The following OBP2A variants were observed in gnomAD, a reference collection of about 807,000 sequenced individuals.
OBP2A encodes odorant-binding protein 2a.
OBP2A carries 15 observed loss-of-function variants against 21.9 expected under a neutral mutation model. That is an observed-to-expected ratio of 0.69 (90% confidence interval 0.46 to 1.06). The LOEUF (loss-of-function observed/expected upper bound fraction) is 1.06. Among genes scored for constraint, OBP2A ranks in the 50% least tolerant of loss-of-function variants. The pLI, the probability that OBP2A is intolerant of heterozygous loss-of-function variation, is 0.00. For synonymous variants in OBP2A, 86 were observed against 91.8 expected (o/e 0.94, Z 0.36); for missense variants, 192 against 220.1 (o/e 0.87, Z 0.81).
rs992921316 is a variant in OBP2A at position 135,546,760 on chromosome 9, G to C, written c.73-18G>C. 21 of 1,591,364 alleles carry C rather than the reference G, an allele frequency of 1.3e-5. No individual in the cohort carries two copies. The highest frequency in any genetic ancestry group is 1.8e-5 in the Non-Finnish European group (21 of 1,165,926). On this transcript the variant is annotated intron_variant, in intron 1 of 6. Transcript: ENST00000371776. ...TCTGGGCCACCCATGGTGGGCTCAC[G>C]GCCTTGGCCTGCTCCAGATCACAGG...
At chr9:135,549,591 C>A in intron 6 of OBP2A, 2 of 597,474 alleles carry the variant, frequency 3.3e-6, no homozygotes, top group Non-Finnish European at 6.0e-6. Flanking sequence ...CCCTCCGGCT[C>A]CCTCAGGTGT....
In OBP2A at chr9:135,546,670, T is replaced by C. The variant is rs4006718; in HGVS notation, c.73-108T>C. ...CAGGAACCCAGCCTGCCTTTAGGGGTGGCAGCCGGGCACCATGGGTGTCTG... is the reference window on the plus strand; with the variant it reads ...CAGGAACCCAGCCTGCCTTTAGGGGCGGCAGCCGGGCACCATGGGTGTCTG... On this transcript the variant is annotated intron_variant, in intron 1 of 6. Coordinates refer to ENST00000371776, the MANE Select transcript of OBP2A (RefSeq NM_014582.3). The C allele has an allele frequency of 6.2e-4, 941 of 1,515,392 alleles. 1 individual carries two copies. The highest frequency in any genetic ancestry group is 4.3e-3 in the Middle Eastern group (18 of 4,172). 93.9% of individuals were successfully genotyped at this position (1,515,392 alleles called of 1,614,324 possible).
intron 1 of OBP2A, 69 bp from the exon 2 acceptor site, chr9:135,546,709 G>A (rs1025803151): frequency 1.3e-6 from 2 of 1,538,172 alleles, no homozygotes; most frequent in African/African-American, 2.7e-5. Flanking sequence ...ATAGCTGCAG[G>A]CCTGAGTGCC....
intron 4 of OBP2A, among the ~76,000 whole-genome samples, chr9:135,548,398 G>T (rs1181117213): frequency 1.3e-5 from 2 of 148,852 alleles, no homozygotes; most frequent in African/African-American, 4.9e-5. Context: ...AGGTCCCCCT[G>T]GGGTTGCTGA....
rs1169714293 is a variant in OBP2A at position 135,546,905 on chromosome 9, C to T, written c.200C>T (p.Thr67Ile). The T allele has an allele frequency of 1.2e-6, 2 of 1,613,596 alleles. No individual in the cohort carries two copies. The highest frequency in any genetic ancestry group is 1.7e-5 in the Admixed American group (1 of 59,976). Residue 67 changes from threonine to isoleucine, a missense_variant, in exon 2 of 7, where the codon ACC (threonine) becomes ATC (isoleucine). Thr to Ile is a moderately conservative substitution (Grantham distance 89, BLOSUM62 -1). Coordinates refer to ENST00000371776, the MANE Select transcript of OBP2A (RefSeq NM_014582.3). ...GGTGGGAACTTGGAAGCCACGTTCA[C>T]CTTCATGTGAGTGTTGCCCACTGCA... ...LGGGNLEATFTFMREDRCIQK... is the reference protein window; with the variant it reads ...LGGGNLEATFIFMREDRCIQK...
At position 135,546,275 on chromosome 9, in the gene OBP2A, G is replaced by A. The variant is rs780644259; in HGVS notation, c.72+23G>A. On this transcript the variant is annotated intron_variant, in intron 1 of 6. Coordinates refer to ENST00000371776, the MANE Select transcript of OBP2A (RefSeq NM_014582.3). ...GATGTGAGCTGGGTTGGCGTGGGCGGATGGAGGAGCCAGGTGGACTCCTGG... is the reference window on the plus strand; with the variant it reads ...GATGTGAGCTGGGTTGGCGTGGGCGAATGGAGGAGCCAGGTGGACTCCTGG... 234 of 1,481,678 alleles carry A rather than the reference G, an allele frequency of 1.6e-4. 29 individuals carry two copies. Among genetic ancestry groups the A allele is most frequent in the Middle Eastern group, 3.9e-4 (2 of 5,140 alleles). 91.8% of individuals were successfully genotyped at this position (1,481,678 alleles called of 1,614,324 possible). A position where few individuals can be genotyped will look rare whatever the true frequency, so the allele number is the denominator to read the frequency against.
At chr9:135,547,308 G>T in intron 3 of OBP2A, 60 bp downstream of exon 3, 1 of 1,563,684 alleles carries the variant, frequency 6.4e-7, no homozygotes. Flanking sequence ...CAGCCCCACT[G>T]CAGGTGGAGA....
At position 135,549,917 on chromosome 9, in the gene OBP2A, T is replaced by A. The variant is rs1456178279; in HGVS notation, c.*82T>A. On this transcript the variant is annotated 3_prime_UTR_variant, in exon 7 of 7. Coordinates refer to ENST00000371776, the MANE Select transcript of OBP2A (RefSeq NM_014582.3). ...ACCACCTGGACCTACCCTCCAGCCA[T>A]GACCCTTCCCTGCTCCCACCCACCT... 6.5e-7 allele frequency: 1 copy of A among 1,545,810 alleles called. No homozygotes were observed. Among genetic ancestry groups the A allele is most frequent in the Non-Finnish European group, 8.7e-7 (1 of 1,144,636 alleles).
At chr9:135,548,553 C>G in intron 4 of OBP2A, 155 bp from the exon 5 acceptor site, 1 of 1,053,114 alleles carries the variant, frequency 9.5e-7, no homozygotes, top group Non-Finnish European at 1.4e-6. Context: ...CAGTTGCCAT[C>G]TCTTCTGTCC....
intron 1 of OBP2A, among the ~76,000 whole-genome samples, 174 bp from the exon 2 acceptor site, chr9:135,546,604 G>T (rs977255933): frequency 5.1e-4 from 77 of 152,040 alleles, no homozygotes; most frequent in African/African-American, 1.8e-3. Context: ...CTGAGCAGGG[G>T]GCTGGCTCTA....
intron 4 of OBP2A, 84 bp from the exon 5 acceptor site, chr9:135,548,624 C>A: frequency 1.3e-6 from 2 of 1,589,956 alleles, no homozygotes; most frequent in South Asian, 1.1e-5. Context: ...GATGCTGGGC[C>A]GTGGTCGTCT....
chr9:135,546,486 C>G (rs1167730580), intron 1 of OBP2A, among the ~76,000 whole-genome samples: 1 of 151,886 alleles, frequency 6.6e-6, no homozygotes, highest in African/African-American at 2.4e-5. Context: ...GCCTGAAGCC[C>G]GAAGGTCTCG....
intron 4 of OBP2A, 93 bp downstream of exon 4, chr9:135,548,074 G>A (rs1286316951): frequency 4.5e-6 from 4 of 897,252 alleles, no homozygotes; most frequent in Non-Finnish European, 6.7e-6. Context: ...GGCACGGGGG[G>A]AAAAGGAAGC....
Position 135,547,580 on chromosome 9 carries a change from G to A in OBP2A, c.278-291G>A, listed in dbSNP as rs146562089. 1.3e-3 allele frequency among the ~76,000 whole-genome samples: 191 copies of A among 152,378 alleles called. 1 individual carries two copies. The highest frequency in any genetic ancestry group is 2.1e-3 in the Non-Finnish European group (140 of 68,034). ...TGAGGGTTTGGGATCAGGAATCCGAGGGTTAGGGACAGGGAAGTGGGGCAG... is the reference window on the plus strand; with the variant it reads ...TGAGGGTTTGGGATCAGGAATCCGAAGGTTAGGGACAGGGAAGTGGGGCAG... On this transcript the variant is annotated intron_variant, in intron 3 of 6. Coordinates refer to ENST00000371776, the MANE Select transcript of OBP2A (RefSeq NM_014582.3).
intron 3 of OBP2A, among the ~76,000 whole-genome samples, 188 bp from the exon 4 acceptor site, chr9:135,547,683 G>A (rs1211391111): frequency 6.6e-6 from 1 of 152,214 alleles, no homozygotes; most frequent in African/African-American, 2.4e-5. Context: ...ACTTGCATTG[G>A]GACCTTCCGA....
At chr9:135,547,290 G>A (rs374742179) in intron 3 of OBP2A, 42 bp downstream of exon 3, 353 of 1,504,154 alleles carry the variant, frequency 2.3e-4, no homozygotes, top group Non-Finnish European at 2.9e-4. Context: ...GCCCAACCCC[G>A]GATGCACCAG....
At position 135,547,920 on chromosome 9, in the gene OBP2A, C is replaced by T. The variant is rs1831989850; in HGVS notation, c.327C>T (p.Asp109=). 6.2e-7 allele frequency: 1 copy of T among 1,613,506 alleles called. No homozygotes were observed. The highest frequency in any genetic ancestry group is 1.3e-5 in the African/African-American group (1 of 75,058). ...TGCAGGAGCTGCCCGGGACGGACGA[C>T]TACGTCTTTTACTGCAAAGACCAGC... ...IYLQELPGTD[D]YVFYCKDQRR... is the part of the protein sequence containing the mutation. Residue 109 remains aspartate, a synonymous_variant, in exon 4 of 7, where the codon GAC becomes GAT. Coordinates refer to ENST00000371776, the MANE Select transcript of OBP2A (RefSeq NM_014582.3).
At chr9:135,549,153 G>C (rs1449118231) in intron 5 of OBP2A, among the ~76,000 whole-genome samples, 155 bp from the exon 6 acceptor site, 3 of 44,342 alleles carry the variant, frequency 6.8e-5, no homozygotes, top group East Asian at 7.0e-4. Flanking sequence ...GGCTGCGATG[G>C]GGTCTGGGGC....
In OBP2A at chr9:135,547,989, G is replaced by T. The variant is rs1588163374; in HGVS notation, c.388+8G>T. On this transcript the variant is annotated splice_region_variant and intron_variant, in intron 4 of 6. Transcript: ENST00000371776. ...ACATGGGAAAGCTTGTGGGTGAGGGGCCCGCTGGGGCCTGCATGTCCTGCC... is the reference window on the plus strand; with the variant it reads ...ACATGGGAAAGCTTGTGGGTGAGGGTCCCGCTGGGGCCTGCATGTCCTGCC... 6.3e-7 allele frequency: 1 copy of T among 1,579,318 alleles called. No individual in the cohort carries two copies. Among genetic ancestry groups the T allele is most frequent in the Non-Finnish European group, 8.6e-7 (1 of 1,156,444 alleles).
Sources: gnomAD v4.1 joint callset for allele counts (sites outside exome capture counted in the v4.1 genomes callset) on GRCh38, gnomAD v4.1.1 for gene constraint, MANE v1.5 for transcripts, NCBI Gene and HGNC (gene_info 2026-07-23, HGNC 2026-07-21) for gene names.